The following TCF4 variants were observed in gnomAD, a reference collection of about 807,000 sequenced individuals.
TCF4 encodes SL3-3 enhancer factor 2.
TCF4 carries 3 observed loss-of-function variants against 82.1 expected under a neutral mutation model. The ratio of observed to expected loss-of-function variants is 0.04; its 90% confidence interval spans 0.02 to 0.09. TCF4 has a LOEUF of 0.09. Ranked by LOEUF, TCF4 falls within the 10% of genes least tolerant of loss-of-function variation. The pLI is 1.00. For missense variants in TCF4, 518 were observed against 852.7 expected, an observed-to-expected ratio of 0.61 and a Z score of 4.89; for synonymous variants, 276 against 309.6, an observed-to-expected ratio of 0.89 and a Z score of 1.14.
At chr18:55,428,887 G>A (rs2095085196) in intron 5 of TCF4, among the ~76,000 whole-genome samples, 1 of 152,122 alleles carries the variant, frequency 6.6e-6, no homozygotes. Flanking sequence ...AGAGATTTTG[G>A]TGAACTGATG....
At chr18:55,411,215 G>T (rs2094331729) in intron 5 of TCF4, among the ~76,000 whole-genome samples, 1 of 152,078 alleles carries the variant, frequency 6.6e-6, no homozygotes, top group Admixed American at 6.6e-5. Flanking sequence ...TTGTACAAGG[G>T]TCCCCTAGAG....
chr18:55,512,829 A>T (rs984826858), intron 3 of TCF4, among the ~76,000 whole-genome samples: 1 of 152,224 alleles, frequency 6.6e-6, no homozygotes, highest in Non-Finnish European at 1.5e-5. Flanking sequence ...GAAAAAATAC[A>T]GTAGCATCAT....
chr18:55,533,911 G>C (rs1178135464), intron 3 of TCF4, among the ~76,000 whole-genome samples: 1 of 152,150 alleles, frequency 6.6e-6, no homozygotes, highest in Non-Finnish European at 1.5e-5. Flanking sequence ...CCTGTGCCAG[G>C]CACTGAGGAC....
intron 10 of TCF4, among the ~76,000 whole-genome samples, chr18:55,271,372 CATAATT>C (rs2060330820): frequency 6.6e-6 from 1 of 152,082 alleles, no homozygotes; most frequent in African/African-American, 2.4e-5. Context: ...CTACTGAACA[CATAATT>C]ATACTATACG....
chr18:55,337,089 A>C lies in TCF4; in HGVS notation c.549+13270T>G, dbSNP rs773864580. On this transcript the variant is annotated intron_variant, in intron 8 of 19. Coordinates refer to ENST00000354452, the MANE Select transcript of TCF4 (RefSeq NM_001083962.2). Reference sequence around the variant, plus strand: ...GTCCCCAGAACCTGTTGCATTAAGAAGACTCAAAAATATGTGTTTAAATAC... The same window carrying C: ...GTCCCCAGAACCTGTTGCATTAAGACGACTCAAAAATATGTGTTTAAATAC... 3.9e-5 allele frequency among the ~76,000 whole-genome samples: 6 copies of C among 152,232 alleles called. No individual in the cohort carries two copies. The South Asian group carries it at 1.0e-3, about 26-fold the overall frequency.
In TCF4 at chr18:55,573,857, T is replaced by C. The variant is rs558955733; in HGVS notation, c.145+11423A>G. Among the ~76,000 whole-genome samples, 20 of 152,360 alleles carry C rather than the reference T, an allele frequency of 1.3e-4. 1 individual carries two copies. In the South Asian group the frequency reaches 4.1e-3, roughly 32 times the overall value. ...CATGCCTGTCTTGCTCATCATTTTA[T>C]ATAGAGCTGCCAAAGTATTACCTGA... is the stretch of plus-strand genomic sequence containing the variant. On this transcript the variant is annotated intron_variant, in intron 3 of 19. Coordinates refer to ENST00000354452, the MANE Select transcript of TCF4 (RefSeq NM_001083962.2).
chr18:55,379,905 A>C (rs1261852365), intron 6 of TCF4, among the ~76,000 whole-genome samples: 4 of 152,110 alleles, frequency 2.6e-5, no homozygotes, highest in Non-Finnish European at 4.4e-5. Flanking sequence ...AGAGGGTCTC[A>C]GTCTATTGCC....
intron 3 of TCF4, among the ~76,000 whole-genome samples, chr18:55,474,263 T>C (rs1036265162): frequency 6.6e-6 from 1 of 152,198 alleles, no homozygotes; most frequent in Non-Finnish European, 1.5e-5. Context: ...AAATTTACAG[T>C]GTGATACTTA....
chr18:55,580,912 G>C (rs1302528387), intron 3 of TCF4, among the ~76,000 whole-genome samples: 1 of 151,818 alleles, frequency 6.6e-6, no homozygotes, highest in Non-Finnish European at 1.5e-5. Context: ...AGTAATCCTT[G>C]CATCTCATTA....
chr18:55,494,797 T>A (rs2096615408), intron 3 of TCF4, among the ~76,000 whole-genome samples: 2 of 152,090 alleles, frequency 1.3e-5, no homozygotes, highest in African/African-American at 4.8e-5. Flanking sequence ...CATTGTACCC[T>A]TGTAAGAACA....
chr18:55,438,196 G>A (rs1603464858), intron 5 of TCF4, among the ~76,000 whole-genome samples: 2 of 135,780 alleles, frequency 1.5e-5, no homozygotes, highest in South Asian at 2.3e-4. Context: ...GTGAGACTTC[G>A]TCTCAAAAAA....
chr18:55,401,594 A>C (rs1446172153), intron 6 of TCF4: 22 of 988,614 alleles, frequency 2.2e-5, no homozygotes, highest in Non-Finnish European at 2.6e-5. Context: ...TGTTTGGAAA[A>C]AAAAAAAAAT....
intron 6 of TCF4, among the ~76,000 whole-genome samples, chr18:55,368,075 T>C (rs1020727194): frequency 1.3e-5 from 2 of 152,190 alleles, no homozygotes; most frequent in African/African-American, 4.8e-5. Flanking sequence ...TATCCAAGAT[T>C]ACCCATGAAA....
At chr18:55,330,979 T>C (rs2077473539) in intron 8 of TCF4, among the ~76,000 whole-genome samples, 1 of 152,230 alleles carries the variant, frequency 6.6e-6, no homozygotes, top group South Asian at 2.1e-4. Flanking sequence ...ATAACCTTTG[T>C]TCCAATCCCT....
At chr18:55,491,784 T>A (rs192606342) in intron 3 of TCF4, among the ~76,000 whole-genome samples, 1 of 152,182 alleles carries the variant, frequency 6.6e-6, no homozygotes, top group Non-Finnish European at 1.5e-5. Flanking sequence ...TGTTCCTAGG[T>A]TCTCTGACAC....
intron 2 of TCF4, among the ~76,000 whole-genome samples, chr18:55,606,650 G>A (rs1446445964): frequency 6.6e-6 from 1 of 151,872 alleles, no homozygotes; most frequent in African/African-American, 2.4e-5. Flanking sequence ...ACTTAAGCAG[G>A]GTAAATATTT....
At chr18:55,610,230 G>C (rs371707059) in intron 2 of TCF4, among the ~76,000 whole-genome samples, 3 of 152,324 alleles carry the variant, frequency 2.0e-5, no homozygotes, top group South Asian at 2.1e-4. Context: ...CATTTATATA[G>C]GTGCAGAGGT....
At chr18:55,274,219 C>G (rs1010145241) in intron 10 of TCF4, among the ~76,000 whole-genome samples, 1 of 152,182 alleles carries the variant, frequency 6.6e-6, no homozygotes, top group African/African-American at 2.4e-5. Flanking sequence ...TTTCTCTAAG[C>G]TTTCACTCTA....
At chr18:55,228,191 G>T (rs587784457) in intron 19 of TCF4, 30 bp downstream of exon 19, 2 of 1,613,506 alleles carry the variant, frequency 1.2e-6, no homozygotes, top group South Asian at 2.2e-5. Flanking sequence ...TTGAATGATC[G>T]ATCTCAGAAA....
Sources: allele counts gnomAD v4.1 joint callset (sites outside exome capture counted in the v4.1 genomes callset), GRCh38; gene constraint gnomAD v4.1.1; transcripts MANE v1.5; gene names NCBI Gene and HGNC (gene_info 2026-07-23, HGNC 2026-07-21).